PKD1L3: variants seen among roughly 807,000 people sequenced by gnomAD.
The protein encoded by PKD1L3 is polycystin 1 like 3, transient receptor potential channel interacting, also known as polycystin-1-like protein 3.
PKD1L3 carries 239 observed loss-of-function variants against 184.1 expected under a neutral mutation model. That is an observed-to-expected ratio of 1.30 (90% CI 1.17 to 1.45). The LOEUF (loss-of-function observed/expected upper bound fraction) is 1.45. Among genes scored for constraint, PKD1L3 ranks in the 40% most tolerant of loss-of-function variants. The pLI is 0.00. For missense variants in PKD1L3, 2,660 were observed against 2,067.2 expected (o/e 1.29, Z -5.56); for synonymous variants, 996 against 778.8 (o/e 1.28, Z -4.64).
At chr16:71,947,879 C>A (rs1355898564) in intron 21 of PKD1L3, among the ~76,000 whole-genome samples, 1 of 150,726 alleles carries the variant, frequency 6.6e-6, no homozygotes, top group African/African-American at 2.4e-5. Context: ...TCAATAACAT[C>A]TCTCAGTATC....
At chr16:71,933,817 C>T in intron 27 of PKD1L3, 98 bp downstream of exon 27, 3 of 1,324,168 alleles carry the variant, frequency 2.3e-6, no homozygotes, top group Non-Finnish European at 2.1e-6. Flanking sequence ...CCTACTGTAC[C>T]ACCTCGGGTT....
chr16:71,999,518 G>A (rs967112958), intron 1 of PKD1L3, among the ~76,000 whole-genome samples, 166 bp downstream of exon 1: 1 of 152,126 alleles, frequency 6.6e-6, no homozygotes, highest in African/African-American at 2.4e-5. Flanking sequence ...CAAATCAAAG[G>A]CTGTCGCACA....
intron 16 of PKD1L3, among the ~76,000 whole-genome samples, chr16:71,958,901 A>G (rs553001349): frequency 4.6e-5 from 7 of 151,446 alleles, no homozygotes; most frequent in African/African-American, 1.7e-4. Flanking sequence ...AGCCTGGGCA[A>G]CAGAGTGAAA....
intron 16 of PKD1L3, among the ~76,000 whole-genome samples, chr16:71,962,973 T>C (rs1438622766): frequency 6.6e-6 from 1 of 152,214 alleles, no homozygotes; most frequent in African/African-American, 2.4e-5. Context: ...GTAAACAGTT[T>C]CAGAAAATAA....
intron 16 of PKD1L3, among the ~76,000 whole-genome samples, chr16:71,957,013 G>A (rs2143455878): frequency 6.6e-6 from 1 of 152,286 alleles, no homozygotes; most frequent in Admixed American, 6.5e-5. Flanking sequence ...CTGAGCTACA[G>A]GAGTGAAGTT....
At chr16:71,952,715 A>G (rs1035335017) in intron 18 of PKD1L3, among the ~76,000 whole-genome samples, 179 bp downstream of exon 18, 3 of 151,044 alleles carry the variant, frequency 2.0e-5, no homozygotes, top group Non-Finnish European at 4.4e-5. Context: ...ACATGCCTGT[A>G]GTCCCAGCTA....
rs748647272 is a variant in PKD1L3, at chr16:71,967,275, G to T, written c.2327C>A (p.Pro776His). 10 of 1,551,472 alleles carry T rather than the reference G, an allele frequency of 6.4e-6. No homozygotes were observed. The highest frequency in any genetic ancestry group is 7.8e-6 in the Non-Finnish European group (9 of 1,146,960). ...CTTCTGGGGGTCACAGAGGTGATGG[G>T]GCTCACTCCGTCCCTCTGATCCATA... The part of the protein sequence containing the change: ...TLYGSEGRSE[P>H]HHLCDPQKTV... The change falls in exon 15 of 30, where the codon CCC becomes CAC. Residue 776 changes from proline to histidine, a missense_variant. Pro to His is a moderately conservative substitution (Grantham distance 77, BLOSUM62 -2). Coordinates refer to ENST00000620267, the MANE Select transcript of PKD1L3 (RefSeq NM_181536.2).
intron 7 of PKD1L3, 24 bp from the exon 8 acceptor site, chr16:71,980,158 G>A (rs1296985702): frequency 1.3e-6 from 2 of 1,549,756 alleles, no homozygotes; most frequent in South Asian, 1.2e-5. Context: ...AAAACAGTGT[G>A]TGACTTGTAA....
At chr16:71,987,979 C>A (rs1358020221) in intron 4 of PKD1L3, among the ~76,000 whole-genome samples, 1 of 152,028 alleles carries the variant, frequency 6.6e-6, no homozygotes, top group Non-Finnish European at 1.5e-5. Context: ...ATCCCAGGGC[C>A]AGGGGAGTGT....
At chr16:71,979,316 T>C (rs992224052) in intron 9 of PKD1L3, among the ~76,000 whole-genome samples, 4 of 152,076 alleles carry the variant, frequency 2.6e-5, no homozygotes, top group Non-Finnish European at 2.9e-5. Flanking sequence ...TGGTGGCCCA[T>C]GCCTGTAATC....
chr16:71,993,210 C>T lies in PKD1L3; in HGVS notation c.535+6G>A. 1 of 1,530,478 alleles carries T rather than the reference C, an allele frequency of 6.5e-7. No individual in the cohort carries two copies. The highest frequency in any genetic ancestry group is 1.4e-5 in the African/African-American group (1 of 72,068). 94.8% of individuals were successfully genotyped at this position (1,530,478 alleles called of 1,614,324 possible). On this transcript the variant is annotated splice_donor_region_variant and intron_variant, in intron 3 of 29. Transcript: ENST00000620267. ...TTTTAAGGTTACTAGAGGAGTAACG[C>T]ATTACCTGGGGGCATTTTGTCTCTT...
chr16:71,977,564 T>C (rs144569179), intron 10 of PKD1L3, 97 bp from the exon 11 acceptor site: 12,096 of 421,448 alleles, frequency 0.029, 90 homozygotes, highest in African/African-American at 0.043. Flanking sequence ...CTAGCTCTTT[T>C]TTTTTTTTTT....
chr16:71,973,263 G>T, intron 12 of PKD1L3, 61 bp downstream of exon 12: 2 of 1,486,208 alleles, frequency 1.3e-6, no homozygotes, highest in Non-Finnish European at 1.8e-6. Flanking sequence ...GATAACGGAT[G>T]CATTGGGCTT....
At chr16:71,958,697 C>T (rs1158264004) in intron 16 of PKD1L3, among the ~76,000 whole-genome samples, 2 of 142,472 alleles carry the variant, frequency 1.4e-5, no homozygotes, top group African/African-American at 2.6e-5. Context: ...AGGAGAATCA[C>T]TTGAATCCAG....
At position 71,942,642 on chromosome 16, in the gene PKD1L3, C is replaced by T; in HGVS notation, c.4242G>A (p.Arg1414=). ...CATCAGTGGGAATCAGCACCATGGG[C>T]CTGGGTGAACAGATGTAACTGAACC... ...LRRFSYICSP[R]PMVLIPTDEL... The change falls in exon 24 of 30, where the codon AGG becomes AGA. Residue 1414 remains arginine, a synonymous_variant. Transcript: ENST00000620267. 3 of 1,551,702 alleles carry T rather than the reference C, an allele frequency of 1.9e-6. No homozygotes were observed. The highest frequency in any genetic ancestry group is 1.2e-5 in the South Asian group (1 of 84,064).
chr16:71,978,230 T>C, intron 10 of PKD1L3, 25 bp downstream of exon 10: 1 of 1,542,674 alleles, frequency 6.5e-7, no homozygotes, highest in South Asian at 1.2e-5. Flanking sequence ...CTCTTCTATT[T>C]TATTCCCTAA....
In PKD1L3 at chr16:71,967,256, G is replaced by A; in HGVS notation, c.2346C>T (p.Pro782=). 1.3e-6 allele frequency: 2 copies of A among 1,551,648 alleles called. No individual in the cohort carries two copies. Among genetic ancestry groups the A allele is most frequent in the Non-Finnish European group, 8.7e-7 (1 of 1,146,952 alleles). ...GRSEPHHLCD[P]QKTVFERGGL... is the part of the protein sequence containing the mutation. ...CCCCTCGTTCAAAGACTGTCTTCTG[G>A]GGGTCACAGAGGTGATGGGGCTCAC... The change falls in exon 15 of 30, where the codon CCC becomes CCT. Residue 782 remains proline, a synonymous_variant. Coordinates refer to ENST00000620267, the MANE Select transcript of PKD1L3 (RefSeq NM_181536.2).
At chr16:71,987,030 T>C (rs1343704373) in intron 4 of PKD1L3, among the ~76,000 whole-genome samples, 1 of 148,606 alleles carries the variant, frequency 6.7e-6, no homozygotes, top group African/African-American at 2.5e-5. Flanking sequence ...GTTCAAGTGA[T>C]TCTCCTGCCT....
intron 10 of PKD1L3, among the ~76,000 whole-genome samples, chr16:71,977,849 A>G (rs1215123856): frequency 6.6e-6 from 1 of 152,132 alleles, no homozygotes; most frequent in Non-Finnish European, 1.5e-5. Context: ...ATCTCAGCTC[A>G]CTGCAAACTC....
Sources: gnomAD v4.1 joint callset for allele counts (sites outside exome capture counted in the v4.1 genomes callset) on GRCh38, gnomAD v4.1.1 for gene constraint, MANE v1.5 for transcripts, NCBI Gene and HGNC (gene_info 2026-07-23, HGNC 2026-07-21) for gene names.